The following DDX6 variants were observed in gnomAD, a reference collection of about 807,000 sequenced individuals.
DDX6 encodes the protein DEAD-box helicase 6, also known as probable ATP-dependent RNA helicase DDX6.
Under a neutral mutation model 60.6 loss-of-function variants are expected in DDX6, and 7 were observed. The ratio of observed to expected loss-of-function variants is 0.12; its 90% confidence interval spans 0.07 to 0.22. The LOEUF (loss-of-function observed/expected upper bound fraction) is 0.22. DDX6 is among the 10% of genes least tolerant of loss of function. The pLI, the probability that DDX6 is intolerant of heterozygous loss-of-function variation, is 1.00. For missense variants in DDX6, 270 were observed against 589.9 expected (o/e 0.46, Z 5.62); for synonymous variants, 207 against 201.0 (o/e 1.03, Z -0.25).
At chr11:118,785,505 C>T (rs1862044503) in intron 2 of DDX6, among the ~76,000 whole-genome samples, 1 of 150,890 alleles carries the variant, frequency 6.6e-6, no homozygotes, top group Admixed American at 6.6e-5. Flanking sequence ...CTCAACCAGC[C>T]AACTTTTTTT....
Position 118,768,359 on chromosome 11 carries a change from G to A in DDX6, c.370-7C>T. ...CAATGGGAATGCTCTCCTCCTAAAA[G>A]AGATAAGACAATACAAAATTACTTC... On this transcript the variant is annotated splice_region_variant and splice_polypyrimidine_tract_variant and intron_variant, in intron 4 of 13. Coordinates refer to ENST00000534980, the MANE Select transcript of DDX6 (RefSeq NM_004397.6). 2 of 1,611,368 alleles carry A rather than the reference G, an allele frequency of 1.2e-6. No homozygotes were observed. Among genetic ancestry groups the A allele is most frequent in the Non-Finnish European group, 1.7e-6 (2 of 1,179,706 alleles).
chr11:118,780,993 G>C (rs1555164577), intron 3 of DDX6, 128 bp downstream of exon 3: 6 of 608,772 alleles, frequency 9.9e-6, no homozygotes. Context: ...CTATCTTACT[G>C]GGTTGGAGGA....
chr11:118,779,113 G>A (rs540771706), intron 4 of DDX6, among the ~76,000 whole-genome samples: 6 of 138,040 alleles, frequency 4.3e-5, no homozygotes, highest in Admixed American at 8.0e-5. Flanking sequence ...CCGAGATCAG[G>A]CCACTGAACT....
At chr11:118,761,397 A>C (rs1456970841) in intron 7 of DDX6, among the ~76,000 whole-genome samples, 1 of 152,206 alleles carries the variant, frequency 6.6e-6, no homozygotes, top group Non-Finnish European at 1.5e-5. Flanking sequence ...TGGGCAGATC[A>C]CTTGAGGTCG....
At chr11:118,759,889 T>C in intron 8 of DDX6, 33 bp downstream of exon 8, 1 of 1,601,092 alleles carries the variant, frequency 6.2e-7, no homozygotes, top group South Asian at 1.1e-5. Context: ...GGTCACAGGA[T>C]GGCACTGATT....
chr11:118,774,616 G>A (rs1222668125), intron 4 of DDX6, among the ~76,000 whole-genome samples: 1 of 151,778 alleles, frequency 6.6e-6, no homozygotes, highest in African/African-American at 2.4e-5. Context: ...TACAGTCAGG[G>A]TTTTGTCATG....
At chr11:118,764,287 G>A (rs953393465) in intron 6 of DDX6, among the ~76,000 whole-genome samples, 3 of 151,720 alleles carry the variant, frequency 2.0e-5, no homozygotes, top group Admixed American at 2.0e-4. Flanking sequence ...TTTTCCACTC[G>A]GCAATGTATC....
intron 13 of DDX6, 75 bp downstream of exon 13, chr11:118,754,630 A>G (rs1860901415): frequency 7.2e-7 from 1 of 1,384,582 alleles, no homozygotes. Context: ...GTGTGACATC[A>G]AATTTCCCCC....
At position 118,761,315 on chromosome 11, in the gene DDX6, T is replaced by A. The variant is rs556329378; in HGVS notation, c.742-1271A>T. ...TAATGTAGTAACTACTTTACCGGGA[T>A]TTAGAAAAAACTTGGCTAAGGCCAG... On this transcript the variant is annotated intron_variant, in intron 7 of 13. Coordinates refer to ENST00000534980, the MANE Select transcript of DDX6 (RefSeq NM_004397.6). 2.0e-5 allele frequency among the ~76,000 whole-genome samples: 3 copies of A among 151,794 alleles called. No homozygotes were observed. In the South Asian group the frequency reaches 6.3e-4, roughly 32 times the overall value.
intron 1 of DDX6, chr11:118,789,939 CAAAA>C (rs1489537179): frequency 9.6e-6 from 1 of 104,600 alleles, no homozygotes; most frequent in African/African-American, 2.9e-5. Context: ...AACAAAAAAA[CAAAA>C]AACAAACAAC....
chr11:118,772,628 G>A (rs1555162826), intron 4 of DDX6, among the ~76,000 whole-genome samples: 1 of 152,078 alleles, frequency 6.6e-6, no homozygotes, highest in Non-Finnish European at 1.5e-5. Flanking sequence ...TTTGATGTGT[G>A]ATGTCATTTA....
At chr11:118,777,000 A>C (rs1216227037) in intron 4 of DDX6, among the ~76,000 whole-genome samples, 1 of 151,918 alleles carries the variant, frequency 6.6e-6, no homozygotes, top group African/African-American at 2.4e-5. Flanking sequence ...GCACACTCTC[A>C]ACTCTGGGCA....
In DDX6 at chr11:118,752,445, G is replaced by GA. The variant is rs1460501502; in HGVS notation, c.*8-349dup. On this transcript the variant is annotated intron_variant, in intron 13 of 13. Coordinates refer to ENST00000534980, the MANE Select transcript of DDX6 (RefSeq NM_004397.6). ...GTTTGTGTTTGATGTTTAACTTAAG[G>GA]AAAAAAAGAGTACAGAGTAATTTAA... Among the ~76,000 whole-genome samples the GA allele has an allele frequency of 5.9e-5, 9 of 151,698 alleles. No homozygotes were observed. In the South Asian group the frequency reaches 6.2e-4, roughly 10 times the overall value.
At chr11:118,764,381 G>T in intron 6 of DDX6, among the ~76,000 whole-genome samples, 1 of 151,966 alleles carries the variant, frequency 6.6e-6, no homozygotes, top group South Asian at 2.1e-4. Flanking sequence ...ATACCTTAAC[G>T]TATTTAGTTA....
At chr11:118,765,731 G>A (rs1006502051) in intron 5 of DDX6, among the ~76,000 whole-genome samples, 8 of 151,022 alleles carry the variant, frequency 5.3e-5, no homozygotes, top group Admixed American at 1.3e-4. Flanking sequence ...GCAAGATCGC[G>A]CCACTGCACT....
At chr11:118,757,008 T>A (rs782665610) in intron 10 of DDX6, among the ~76,000 whole-genome samples, 163 bp downstream of exon 10, 45 of 152,182 alleles carry the variant, frequency 3.0e-4, no homozygotes, top group Non-Finnish European at 5.6e-4. Context: ...ATTATCCCTA[T>A]TTTATTGCTA....
At chr11:118,790,577 T>G (rs1359024526) in intron 1 of DDX6, among the ~76,000 whole-genome samples, 1 of 151,842 alleles carries the variant, frequency 6.6e-6, no homozygotes, top group Non-Finnish European at 1.5e-5. Flanking sequence ...ACCTCCACCA[T>G]CATCCCCCTA....
At chr11:118,775,614 T>A (rs1555163464) in intron 4 of DDX6, among the ~76,000 whole-genome samples, 1 of 152,188 alleles carries the variant, frequency 6.6e-6, no homozygotes, top group Non-Finnish European at 1.5e-5. Context: ...TACCTTGCTA[T>A]TTCAAAATAC....
chr11:118,789,244 T>G (rs1437745384), intron 1 of DDX6: 1 of 151,758 alleles, frequency 6.6e-6, no homozygotes, highest in Non-Finnish European at 1.5e-5. Context: ...CGCAGCTAAA[T>G]TTTTTCTATT....
Sources: allele counts gnomAD v4.1 joint callset (sites outside exome capture counted in the v4.1 genomes callset), GRCh38; gene constraint gnomAD v4.1.1; transcripts MANE v1.5; gene names NCBI Gene and HGNC (gene_info 2026-07-23, HGNC 2026-07-21).